RIC3: variants seen among roughly 807,000 people sequenced by gnomAD.
RIC3 encodes protein RIC-3.
A neutral mutation model predicts 27.3 loss-of-function variants in RIC3; 28 were observed. The observed-to-expected ratio is 1.02, with a 90% confidence interval of 0.76 to 1.41. The LOEUF is 1.41. Among genes scored for constraint, RIC3 ranks in the 40% most tolerant of loss-of-function variants. The pLI is 0.00. For synonymous variants in RIC3, 184 were observed against 160.4 expected, an observed-to-expected ratio of 1.15 and a Z score of -1.11; for missense variants, 501 against 444.7, an observed-to-expected ratio of 1.13 and a Z score of -1.14.
chr11:8,098,778 A>G, the RIC3 span: 1 of 1,614,066 alleles, frequency 6.2e-7, no homozygotes. Context: ...ATGGGCACCA[A>G]GTTCACTGTT....
chr11:8,148,517 C>G (rs1195672005), intron 1 of RIC3, among the ~76,000 whole-genome samples: 1 of 152,120 alleles, frequency 6.6e-6, no homozygotes, highest in Non-Finnish European at 1.5e-5. Context: ...GTTGAGAATA[C>G]TATCTTCAAA....
At chr11:8,122,797 C>G (rs1325057273) in intron 5 of RIC3, among the ~76,000 whole-genome samples, 1 of 121,214 alleles carries the variant, frequency 8.2e-6, no homozygotes, top group African/African-American at 3.2e-5. Context: ...AGTACTAAAA[C>G]AAAATCCAGC....
In RIC3 at chr11:8,144,828, T is replaced by C. The variant is rs71474969; in HGVS notation, c.125-4635A>G. 3.9e-5 allele frequency among the ~76,000 whole-genome samples: 6 copies of C among 152,000 alleles called. No homozygotes were observed. In the East Asian group the frequency reaches 1.2e-3, roughly 29 times the overall value. On this transcript the variant is annotated intron_variant, in intron 1 of 5. Transcript: ENST00000309737. Reference sequence around the variant, plus strand: ...AGATTAAGAAAATGTGGCACATATATACCATGGAATACTATGCAGCCATAA... The same window carrying C: ...AGATTAAGAAAATGTGGCACATATACACCATGGAATACTATGCAGCCATAA...
intron 4 of RIC3, among the ~76,000 whole-genome samples, chr11:8,132,782 T>C (rs564772657): frequency 1.4e-4 from 22 of 152,168 alleles, no homozygotes; most frequent in Admixed American, 3.9e-4. Context: ...ATCTTTTGCT[T>C]TACCCCCAGA....
intron 2 of RIC3, 125 bp downstream of exon 2, chr11:8,139,842 G>A (rs765025857): frequency 1.2e-6 from 1 of 817,982 alleles, no homozygotes; most frequent in Non-Finnish European, 1.9e-6. Context: ...AGAGGAGGCA[G>A]GATTTAAAGA....
At chr11:8,100,903 C>T in the RIC3 span, 1 of 1,614,196 alleles carries the variant, frequency 6.2e-7, no homozygotes, top group East Asian at 2.2e-5. Flanking sequence ...AGACACCTGT[C>T]TGGAATGATG....
At chr11:8,098,028 C>T in the RIC3 span, among the ~76,000 whole-genome samples, 4 of 152,150 alleles carry the variant, frequency 2.6e-5, no homozygotes, top group African/African-American at 7.2e-5. Flanking sequence ...ATCACACACC[C>T]GACCCCAAGC....
chr11:8,165,871 A>G (rs530893100), intron 1 of RIC3, among the ~76,000 whole-genome samples: 2 of 145,558 alleles, frequency 1.4e-5, no homozygotes, highest in Admixed American at 1.4e-4. Flanking sequence ...CTTGACCTCC[A>G]AACTTCAAAC....
the RIC3 span, chr11:8,098,823 C>A: frequency 6.2e-7 from 1 of 1,614,208 alleles, no homozygotes; most frequent in African/African-American, 1.3e-5. Context: ...AAGGCCTCAT[C>A]CTCCACTTTG....
rs763410565 is a variant in RIC3, at chr11:8,111,155, A to G, written c.671-18T>C. On this transcript the variant is annotated intron_variant, in intron 5 of 5. Transcript: ENST00000309737. ...AGGGTAACCTAGAGAGAAAAGTAGCACAAAGTATTACAAAGAATGTCTCCT... is the reference window on the plus strand; with the variant it reads ...AGGGTAACCTAGAGAGAAAAGTAGCGCAAAGTATTACAAAGAATGTCTCCT... 9 of 1,509,340 alleles carry G rather than the reference A, an allele frequency of 6.0e-6. No homozygotes were observed. The East Asian group carries it at 1.8e-4, about 31-fold the overall frequency. The allele number at this position is 1,509,340 out of a possible 1,614,324, so 93.5% of individuals were successfully genotyped here. A position where few individuals can be genotyped will look rare whatever the true frequency, so the allele number is the denominator to read the frequency against.
chr11:8,132,992 C>A (rs1399096481), intron 4 of RIC3, among the ~76,000 whole-genome samples: 2 of 152,190 alleles, frequency 1.3e-5, no homozygotes, highest in Non-Finnish European at 2.9e-5. Context: ...TCCTCCTATA[C>A]TCATGTTGAA....
chr11:8,168,972 C>A lies in RIC3; in HGVS notation c.18G>T (p.Val6=). 1 of 1,604,294 alleles carries A rather than the reference C, an allele frequency of 6.2e-7. No individual in the cohort carries two copies. Among genetic ancestry groups the A allele is most frequent in the Non-Finnish European group, 8.5e-7 (1 of 1,175,902 alleles). MAYST[V]QRVALASGLV... ...GCCCAGAAGCCAGAGCGACTCTCTG[C>A]ACTGTGGAGTACGCCATGACTGCTC... is the stretch of plus-strand genomic sequence containing the variant. The change falls in exon 1 of 6, where the codon GTG becomes GTT. Residue 6 remains valine, a synonymous_variant. Coordinates refer to ENST00000309737, the MANE Select transcript of RIC3 (RefSeq NM_001206671.4).
At chr11:8,101,338 CTTTG>C (rs988290913), downstream of RIC3, 36 of 1,090,880 alleles carry the variant, frequency 3.3e-5, no homozygotes, top group Admixed American at 6.1e-5. Flanking sequence ...CCCAATTGGC[CTTTG>C]TTTTACTTCC....
the RIC3 span, among the ~76,000 whole-genome samples, chr11:8,100,307 G>A: frequency 2.0e-5 from 3 of 152,158 alleles, no homozygotes; most frequent in Non-Finnish European, 1.5e-5. Context: ...CAAGGATGAC[G>A]CATAAGAGGA....
intron 4 of RIC3, among the ~76,000 whole-genome samples, chr11:8,127,413 T>C (rs1024439239): frequency 6.6e-6 from 1 of 152,230 alleles, no homozygotes; most frequent in Non-Finnish European, 1.5e-5. Flanking sequence ...ATATTCATAC[T>C]GCCACTTAAT....
chr11:8,124,769 G>A (rs554222648), intron 5 of RIC3, among the ~76,000 whole-genome samples: 80 of 152,258 alleles, frequency 5.3e-4, no homozygotes, highest in African/African-American at 1.8e-3. Flanking sequence ...CTAATTAAAT[G>A]TAACAAAAGA....
intron 1 of RIC3, among the ~76,000 whole-genome samples, chr11:8,157,200 T>C (rs913723840): frequency 2.0e-5 from 3 of 152,148 alleles, no homozygotes; most frequent in African/African-American, 7.2e-5. Flanking sequence ...ACATGAACAC[T>C]GTCCAAGCCA....
chr11:8,136,045 C>T (rs1361773515), intron 4 of RIC3, among the ~76,000 whole-genome samples: 1 of 152,130 alleles, frequency 6.6e-6, no homozygotes, highest in Non-Finnish European at 1.5e-5. Flanking sequence ...CTTTGGGGAA[C>T]ATTCCAGATA....
In RIC3 at chr11:8,109,175, C is replaced by A. The variant is rs1011722109; in HGVS notation, c.*1523G>T. 4 of 152,220 alleles carry A rather than the reference C, an allele frequency of 2.6e-5. No homozygotes were observed. Among genetic ancestry groups the A allele is most frequent in the Non-Finnish European group, 5.9e-5 (4 of 68,036 alleles). The allele number at this position is 152,220 out of a possible 1,614,324, so 9.4% of individuals were successfully genotyped here. A position where few individuals can be genotyped will look rare whatever the true frequency, so the allele number is the denominator to read the frequency against. On this transcript the variant is annotated 3_prime_UTR_variant, in exon 6 of 6. Transcript: ENST00000309737. ...TTATCTTAATATGATCCCATACCTT[C>A]TAACAGCAGTCTGTATGCTGATGTA...
Sources: allele counts gnomAD v4.1 joint callset (sites outside exome capture counted in the v4.1 genomes callset), GRCh38; gene constraint gnomAD v4.1.1; transcripts MANE v1.5; gene names NCBI Gene and HGNC (gene_info 2026-07-23, HGNC 2026-07-21).